PTPRD: variants seen among roughly 807,000 people sequenced by gnomAD.
PTPRD encodes receptor-type tyrosine-protein phosphatase delta.
Under a neutral mutation model 214.5 loss-of-function variants are expected in PTPRD, and 34 were observed. That is an observed-to-expected ratio of 0.16 (90% CI 0.12 to 0.21). The LOEUF (loss-of-function observed/expected upper bound fraction) is 0.21, where lower values mean the gene tolerates loss of function less well. PTPRD is among the 10% of genes least tolerant of loss of function. The pLI, the probability that PTPRD is intolerant of heterozygous loss-of-function variation, is 1.00. For missense variants in PTPRD, 2,545 were observed against 2,398.7 expected (o/e 1.06, Z -1.27); for synonymous variants, 1,128 against 845.7 (o/e 1.33, Z -5.79).
intron 10 of PTPRD, among the ~76,000 whole-genome samples, chr9:9,104,618 G>C (rs947547323): frequency 6.6e-6 from 1 of 152,200 alleles, no homozygotes. Flanking sequence ...ATGTTGGACA[G>C]TATCTAACCT....
chr9:10,353,323 C>T (rs1332798991), intron 2 of PTPRD, among the ~76,000 whole-genome samples: 4 of 151,934 alleles, frequency 2.6e-5, no homozygotes, highest in African/African-American at 4.8e-5. Context: ...AAGAATGGAA[C>T]CACTAAGGAC....
In PTPRD at chr9:10,122,209, G is replaced by A. The variant is rs191871457; in HGVS notation, c.-544-88419C>T. ...TGTAATCCCAGCTACTCGGGAGGCT[G>A]AGGCAGGAGAATCACTTGAACCTGG... On this transcript the variant is annotated intron_variant, in intron 3 of 45. Coordinates refer to ENST00000381196, the MANE Select transcript of PTPRD (RefSeq NM_002839.4). Among the ~76,000 whole-genome samples the A allele has an allele frequency of 4.5e-4, 68 of 152,258 alleles. 1 individual carries two copies. Among genetic ancestry groups the A allele is most frequent in the African/African-American group, 1.5e-3 (64 of 41,552 alleles).
intron 8 of PTPRD, among the ~76,000 whole-genome samples, chr9:9,397,687 T>C (rs1399208011): frequency 6.6e-6 from 1 of 151,974 alleles, no homozygotes; most frequent in African/African-American, 2.4e-5. Flanking sequence ...AAGATATTAG[T>C]TGTTTATTCA....
intron 10 of PTPRD, among the ~76,000 whole-genome samples, chr9:9,141,596 A>G (rs754080369): frequency 2.0e-4 from 31 of 151,752 alleles, no homozygotes; most frequent in Non-Finnish European, 4.1e-4. Context: ...TCTTTACATA[A>G]TTGAGACCAA....
intron 12 of PTPRD, among the ~76,000 whole-genome samples, chr9:8,638,139 A>T (rs2096488301): frequency 1.5e-5 from 2 of 136,374 alleles, no homozygotes; most frequent in East Asian, 2.1e-4. Flanking sequence ...AATCCCTGTT[A>T]CAGATTTTCT....
At chr9:9,577,418 A>G (rs2089254989) in intron 7 of PTPRD, among the ~76,000 whole-genome samples, 1 of 151,978 alleles carries the variant, frequency 6.6e-6, no homozygotes, top group African/African-American at 2.4e-5. Flanking sequence ...TACAAAAATT[A>G]GCCAGGGGTG....
In PTPRD at chr9:8,801,778, G is replaced by A. The variant is rs78780396; in HGVS notation, c.-103-67832C>T. Among the ~76,000 whole-genome samples the A allele has an allele frequency of 4.4e-3, 675 of 152,250 alleles. 6 individuals are homozygous for A. Among genetic ancestry groups the A allele is most frequent in the African/African-American group, 0.015 (640 of 41,548 alleles). ...TACAGGAGTGTTACCCATTAAACCT[G>A]GCTCCTAGTGTTACTTCTTTCACTG... On this transcript the variant is annotated intron_variant, in intron 11 of 45. Coordinates refer to ENST00000381196, the MANE Select transcript of PTPRD (RefSeq NM_002839.4).
At chr9:10,305,960 G>C (rs2096053599) in intron 3 of PTPRD, among the ~76,000 whole-genome samples, 1 of 152,000 alleles carries the variant, frequency 6.6e-6, no homozygotes, top group Admixed American at 6.6e-5. Flanking sequence ...CTACTATAAA[G>C]ACATATACAC....
At chr9:10,081,536 T>A (rs1403489509) in intron 3 of PTPRD, among the ~76,000 whole-genome samples, 4 of 151,960 alleles carry the variant, frequency 2.6e-5, no homozygotes, top group Admixed American at 6.6e-5. Context: ...TTCTACAAAG[T>A]GAGTAGACAG....
chr9:9,519,162 T>C (rs183181542), intron 8 of PTPRD, among the ~76,000 whole-genome samples: 1 of 152,092 alleles, frequency 6.6e-6, no homozygotes, highest in African/African-American at 2.4e-5. Context: ...TATATGATAC[T>C]GAAACATTAC....
At chr9:9,469,751 G>A (rs1036856122) in intron 8 of PTPRD, among the ~76,000 whole-genome samples, 2 of 152,098 alleles carry the variant, frequency 1.3e-5, no homozygotes, top group African/African-American at 4.8e-5. Flanking sequence ...CTCTGCCTGG[G>A]CTTCCTAAGG....
In PTPRD at chr9:8,484,225, T is replaced by C; in HGVS notation, c.3307A>G (p.Thr1103Ala). The change falls in exon 30 of 46, where the codon ACT becomes GCT. Residue 1103 changes from threonine to alanine, a missense_variant. By Grantham distance (58) the Thr-to-Ala change is moderately conservative. Coordinates refer to ENST00000381196, the MANE Select transcript of PTPRD (RefSeq NM_002839.4). ...GGLQHRVTAK[T>A]APDVLRTKPA... ...TTGGTACGTAATACATCTGGTGCAG[T>C]CTTTGCCGTGACCCTGTGCTGCAGC... The C allele has an allele frequency of 6.2e-7, 1 of 1,614,124 alleles. No homozygotes were observed.
chr9:10,167,974 T>C (rs2099169807), intron 3 of PTPRD, among the ~76,000 whole-genome samples: 1 of 152,186 alleles, frequency 6.6e-6, no homozygotes. Flanking sequence ...ATCTGAACTG[T>C]ATGGACAGAG....
chr9:9,181,716 C>G (rs544172755), intron 10 of PTPRD, among the ~76,000 whole-genome samples: 1 of 152,068 alleles, frequency 6.6e-6, no homozygotes, highest in Non-Finnish European at 1.5e-5. Context: ...AGTCTAGAAT[C>G]TATGAAATTT....
chr9:10,420,307 T>A (rs1189783508), intron 2 of PTPRD, among the ~76,000 whole-genome samples: 2 of 151,930 alleles, frequency 1.3e-5, no homozygotes, highest in East Asian at 3.9e-4. Flanking sequence ...TAATCTCTTG[T>A]CCTTTGACAT....
intron 9 of PTPRD, among the ~76,000 whole-genome samples, chr9:9,191,413 G>A (rs1289267001): frequency 2.0e-5 from 3 of 152,046 alleles, no homozygotes; most frequent in East Asian, 1.9e-4. Context: ...TTGCAGTCTC[G>A]TGAGAGGTCT....
Position 8,647,764 on chromosome 9 carries a change from C to G in PTPRD, c.65-10920G>C, listed in dbSNP as rs143097592. Among the ~76,000 whole-genome samples, 294 of 152,246 alleles carry G rather than the reference C, an allele frequency of 1.9e-3. 1 individual carries two copies. The highest frequency in any genetic ancestry group is 4.0e-3 in the Admixed American group (61 of 15,294). ...GCAATGTGTCAGAATGTCCAATTAC[C>G]TAGACCACTGCTAAAGCTATAACTT... On this transcript the variant is annotated intron_variant, in intron 12 of 45. Transcript: ENST00000381196.
intron 9 of PTPRD, among the ~76,000 whole-genome samples, chr9:9,279,350 A>G (rs765051455): frequency 4.9e-4 from 73 of 147,658 alleles, no homozygotes; most frequent in Non-Finnish European, 9.7e-4. Flanking sequence ...ATTTATATAT[A>G]TATATATATC....
At chr9:9,869,671 G>A (rs1241626313) in intron 5 of PTPRD, among the ~76,000 whole-genome samples, 1 of 151,918 alleles carries the variant, frequency 6.6e-6, no homozygotes, top group Non-Finnish European at 1.5e-5. Context: ...TAAAACCTGG[G>A]TGAATGAGGA....
Sources: gnomAD v4.1 joint callset for allele counts (sites outside exome capture counted in the v4.1 genomes callset) on GRCh38, gnomAD v4.1.1 for gene constraint, MANE v1.5 for transcripts, NCBI Gene and HGNC (gene_info 2026-07-23, HGNC 2026-07-21) for gene names.